YWHAE: variants seen among roughly 807,000 people sequenced by gnomAD.
YWHAE encodes 14-3-3 protein epsilon.
YWHAE carries 4 observed loss-of-function variants against 30.1 expected under a neutral mutation model. That is an observed-to-expected ratio of 0.13 (90% confidence interval 0.07 to 0.30). The LOEUF (loss-of-function observed/expected upper bound fraction) is 0.30. Ranked by LOEUF, YWHAE falls within the 10% of genes least tolerant of loss-of-function variation. YWHAE has a pLI of 1.00. For synonymous variants in YWHAE, 118 were observed against 111.8 expected (o/e 1.06, Z -0.35); for missense variants, 121 against 315.9 (o/e 0.38, Z 4.68).
intron 2 of YWHAE, 84 bp downstream of exon 2, chr17:1,364,775 C>A: frequency 6.9e-7 from 1 of 1,451,266 alleles, no homozygotes; most frequent in Non-Finnish European, 9.5e-7. Context: ...AATGTAGTCT[C>A]CTTTTCTCTC....
At chr17:1,382,749 G>A (rs1305174577) in intron 1 of YWHAE, among the ~76,000 whole-genome samples, 1 of 152,146 alleles carries the variant, frequency 6.6e-6, no homozygotes, top group African/African-American at 2.4e-5. Context: ...AACAGGCCAG[G>A]TGCGGTGGCT....
chr17:1,380,650 G>T (rs1163546898), intron 1 of YWHAE, among the ~76,000 whole-genome samples: 7 of 152,182 alleles, frequency 4.6e-5, no homozygotes, highest in Non-Finnish European at 2.9e-5. Flanking sequence ...ACGGGTGGGG[G>T]TGTTAATGTG....
intron 1 of YWHAE, among the ~76,000 whole-genome samples, chr17:1,396,401 G>C (rs941846905): frequency 1.3e-5 from 2 of 152,086 alleles, no homozygotes; most frequent in Non-Finnish European, 2.9e-5. Flanking sequence ...TAAAGCCTGG[G>C]AGACAGAGCG....
At chr17:1,365,656 C>CA (rs1484423471) in intron 1 of YWHAE, among the ~76,000 whole-genome samples, 1 of 152,100 alleles carries the variant, frequency 6.6e-6, no homozygotes, top group Non-Finnish European at 1.5e-5. Context: ...GCATCTACCG[C>CA]AAGCATAGGG....
intron 1 of YWHAE, among the ~76,000 whole-genome samples, chr17:1,366,030 A>C (rs1213621660): frequency 1.3e-5 from 2 of 152,122 alleles, no homozygotes; most frequent in African/African-American, 4.8e-5. Flanking sequence ...ATCCTGGCCA[A>C]CATGGTGAAA....
chr17:1,353,428 A>G (rs1313066996), intron 5 of YWHAE, among the ~76,000 whole-genome samples: 1 of 120,162 alleles, frequency 8.3e-6, no homozygotes. Flanking sequence ...ACAGAGCGAG[A>G]CTCCATCTCA....
At chr17:1,388,113 GGTTGGTTTTTTTTTTT>G (rs2073332524) in intron 1 of YWHAE, among the ~76,000 whole-genome samples, 3 of 35,124 alleles carry the variant, frequency 8.5e-5, no homozygotes, top group Admixed American at 3.9e-4. Flanking sequence ...TTTTTTTTTT[GGTTGGTTTTTTTTTTT>G]TTTTTTTTTT....
chr17:1,344,765 T>C lies in YWHAE; in HGVS notation c.*682A>G, dbSNP rs1183930187. ...GGGGGAAGGAGAAGAAACAAAAGAA[T>C]TGAACAGGCATGCAGGCTTTTCCAT... On this transcript the variant is annotated 3_prime_UTR_variant, in exon 6 of 6. Transcript: ENST00000264335. 1 of 232,954 alleles carries C rather than the reference T, an allele frequency of 4.3e-6. No homozygotes were observed. The highest frequency in any genetic ancestry group is 8.5e-6 in the Non-Finnish European group (1 of 117,704). 14.4% of individuals were successfully genotyped at this position (232,954 alleles called of 1,614,324 possible). A position where few individuals can be genotyped will look rare whatever the true frequency, so the allele number is the denominator to read the frequency against.
intron 1 of YWHAE, among the ~76,000 whole-genome samples, chr17:1,396,656 G>A (rs778198678): frequency 1.3e-5 from 2 of 152,036 alleles, no homozygotes; most frequent in Non-Finnish European, 2.9e-5. Context: ...GTTTTTTATT[G>A]TTGCTGTTGC....
chr17:1,345,370 T>A lies in YWHAE; in HGVS notation c.*77A>T. 7.0e-7 allele frequency: 1 copy of A among 1,438,018 alleles called. No homozygotes were observed. The highest frequency in any genetic ancestry group is 9.7e-7 in the Non-Finnish European group (1 of 1,027,886). 89.1% of individuals were successfully genotyped at this position (1,438,018 alleles called of 1,614,324 possible). On this transcript the variant is annotated 3_prime_UTR_variant, in exon 6 of 6. Coordinates refer to ENST00000264335, the MANE Select transcript of YWHAE (RefSeq NM_006761.5). The stretch of plus-strand genomic sequence containing the variant: ...AAAAGTCAGATTTGGTGGTTCTCAG[T>A]GACAATGGGGAGTTTCCAAAGGGTG...
At chr17:1,373,416 A>G (rs980580093) in intron 1 of YWHAE, among the ~76,000 whole-genome samples, 1 of 152,158 alleles carries the variant, frequency 6.6e-6, no homozygotes. Context: ...CTGTAATCCC[A>G]GCGCTTTGGG....
At chr17:1,391,601 A>G (rs2131431) in intron 1 of YWHAE, among the ~76,000 whole-genome samples, 1 of 152,026 alleles carries the variant, frequency 6.6e-6, no homozygotes, top group East Asian at 1.9e-4. Context: ...TCTTAGGGCC[A>G]TGACTAGCAT....
At chr17:1,350,126 A>G (rs2072600894) in intron 5 of YWHAE, among the ~76,000 whole-genome samples, 1 of 151,118 alleles carries the variant, frequency 6.6e-6, no homozygotes, top group Non-Finnish European at 1.5e-5. Flanking sequence ...CTAATTTTGT[A>G]TTTTTAGTAG....
At chr17:1,355,281 C>T (rs1170911298) in intron 4 of YWHAE, among the ~76,000 whole-genome samples, 3 of 148,822 alleles carry the variant, frequency 2.0e-5, no homozygotes, top group African/African-American at 5.0e-5. Flanking sequence ...CTCAGCCTCC[C>T]GAGTAGCCGG....
At position 1,350,798 on chromosome 17, in the gene YWHAE, G is replaced by A. The variant is rs142351277; in HGVS notation, c.715+3413C>T. Among the ~76,000 whole-genome samples the A allele has an allele frequency of 3.8e-3, 564 of 149,366 alleles. 4 individuals are homozygous for A. Among genetic ancestry groups the A allele is most frequent in the Middle Eastern group, 0.01 (3 of 290 alleles). ...AAAATGGCCAGGCGCAGTGGCTCAC[G>A]CCTGTAATCCAAGCATTTTGGGAGG... On this transcript the variant is annotated intron_variant, in intron 5 of 5. Transcript: ENST00000264335.
intron 1 of YWHAE, among the ~76,000 whole-genome samples, chr17:1,395,391 T>C (rs2073453413): frequency 6.6e-6 from 1 of 151,694 alleles, no homozygotes; most frequent in African/African-American, 2.4e-5. Flanking sequence ...TAGCCGAGTG[T>C]GGTGGCACGC....
intron 1 of YWHAE, among the ~76,000 whole-genome samples, chr17:1,381,910 C>T (rs1338076157): frequency 4.6e-5 from 2 of 43,932 alleles, no homozygotes; most frequent in African/African-American, 1.4e-4. Flanking sequence ...GACACTATGT[C>T]AAAAAAAAAA....
chr17:1,399,328 GC>G (rs1379812731), intron 1 of YWHAE: 1 of 152,224 alleles, frequency 6.6e-6, no homozygotes, highest in Non-Finnish European at 1.5e-5. Flanking sequence ...AGGAGGAAAA[GC>G]CCCGAAACCC....
chr17:1,370,426 T>C (rs879414627), intron 1 of YWHAE, among the ~76,000 whole-genome samples: 81 of 151,748 alleles, frequency 5.3e-4, no homozygotes, highest in East Asian at 9.9e-4. Context: ...CCACCGCGAC[T>C]GGCCAGAACA....
Sources: gnomAD v4.1 joint callset for allele counts (sites outside exome capture counted in the v4.1 genomes callset) on GRCh38, gnomAD v4.1.1 for gene constraint, MANE v1.5 for transcripts, NCBI Gene and HGNC (gene_info 2026-07-23, HGNC 2026-07-21) for gene names.